The following GOLM2 variants were observed in gnomAD, a reference collection of about 807,000 sequenced individuals.
The protein encoded by GOLM2 is golgi membrane protein 2, also known as protein GOLM2.
A neutral mutation model predicts 55.9 loss-of-function variants in GOLM2; 26 were observed. The observed-to-expected ratio is 0.47, with a 90% CI of 0.34 to 0.65. The LOEUF is 0.65. Ranked by LOEUF, GOLM2 falls within the 30% of genes least tolerant of loss-of-function variation. GOLM2 has a pLI of 0.01. For synonymous variants in GOLM2, 165 were observed against 194.6 expected, an observed-to-expected ratio of 0.85 and a Z score of 1.27; for missense variants, 486 against 531.8, an observed-to-expected ratio of 0.91 and a Z score of 0.85.
intron 8 of GOLM2, among the ~76,000 whole-genome samples, chr15:44,400,668 C>G (rs2079559317): frequency 6.7e-6 from 1 of 149,180 alleles, no homozygotes; most frequent in Non-Finnish European, 1.5e-5. Context: ...GCTCTGCCTC[C>G]TGGGTTCACA....
At chr15:44,353,906 T>A (rs976510302) in intron 6 of GOLM2, among the ~76,000 whole-genome samples, 1 of 152,190 alleles carries the variant, frequency 6.6e-6, no homozygotes, top group East Asian at 1.9e-4. Context: ...TTTAATTCTA[T>A]GTTTTTAAAC....
At chr15:44,297,779 G>T (rs2078767439) in intron 1 of GOLM2, among the ~76,000 whole-genome samples, 1 of 149,878 alleles carries the variant, frequency 6.7e-6, no homozygotes, top group African/African-American at 2.5e-5. Flanking sequence ...AGTCAGGATG[G>T]TCTCCATCTT....
chr15:44,328,637 T>C (rs1348698759), intron 2 of GOLM2, 48 bp from the exon 3 acceptor site: 2 of 1,312,080 alleles, frequency 1.5e-6, no homozygotes, highest in South Asian at 1.3e-5. Context: ...ATAGGAAGCA[T>C]TACAATGAGT....
rs1486733976 is a variant in GOLM2, at chr15:44,382,563, G to C, written c.1072+1587G>C. ...GCTAGTCTCGATCTTCTGACCTCAG[G>C]TGATCCGCCCGCCTCGGCCTCCCAA... On this transcript the variant is annotated intron_variant, in intron 8 of 9. Transcript: ENST00000299957. Among the ~76,000 whole-genome samples the C allele has an allele frequency of 3.9e-5, 6 of 151,990 alleles. No homozygotes were observed. The East Asian group carries it at 1.2e-3, about 29-fold the overall frequency.
chr15:44,348,942 C>G (rs910016081), intron 6 of GOLM2: 2 of 152,276 alleles, frequency 1.3e-5, no homozygotes, highest in African/African-American at 4.8e-5. Context: ...AATCTGTTGC[C>G]TACAAGAAAC....
rs182816742 is a variant in GOLM2 at position 44,291,540 on chromosome 15, C to T, written c.327+2184C>T. 3.9e-3 allele frequency among the ~76,000 whole-genome samples: 601 copies of T among 152,306 alleles called. 5 individuals are homozygous for T. The highest frequency in any genetic ancestry group is 0.014 in the African/African-American group (569 of 41,574). On this transcript the variant is annotated intron_variant, in intron 1 of 9. Coordinates refer to ENST00000299957, the MANE Select transcript of GOLM2 (RefSeq NM_138423.4). ...TTTGAAACTATTCTCTTGAAGGTCA[C>T]AAATGGCAGTCTTCCTAGTCAAAAC...
intron 9 of GOLM2, among the ~76,000 whole-genome samples, chr15:44,413,059 G>A (rs750302395): frequency 1.3e-5 from 2 of 150,940 alleles, no homozygotes; most frequent in Admixed American, 6.6e-5. Context: ...ATATTTGTGC[G>A]TTCCTAAAGT....
intron 1 of GOLM2, among the ~76,000 whole-genome samples, chr15:44,299,030 G>A (rs1163599820): frequency 1.3e-5 from 2 of 152,170 alleles, no homozygotes; most frequent in Admixed American, 1.3e-4. Context: ...AGAGATTGGA[G>A]TTATGTTTCC....
At chr15:44,342,006 G>A (rs1156730176) in intron 6 of GOLM2, among the ~76,000 whole-genome samples, 1 of 151,700 alleles carries the variant, frequency 6.6e-6, no homozygotes, top group East Asian at 1.9e-4. Context: ...AATTTTATTA[G>A]ATTTTATAAG....
At chr15:44,384,244 C>T (rs771093357) in intron 8 of GOLM2, among the ~76,000 whole-genome samples, 37 of 151,958 alleles carry the variant, frequency 2.4e-4, no homozygotes, top group Non-Finnish European at 4.4e-4. Flanking sequence ...CTCTCCTACC[C>T]TCAGCACCTG....
chr15:44,401,245 GAGACTAC>G (rs1475626088), intron 8 of GOLM2, among the ~76,000 whole-genome samples: 1 of 151,976 alleles, frequency 6.6e-6, no homozygotes, highest in Non-Finnish European at 1.5e-5. Context: ...CCAAGTAGAT[GAGACTAC>G]AGACCCCTGG....
chr15:44,290,274 G>A (rs1218698661), intron 1 of GOLM2, among the ~76,000 whole-genome samples: 5 of 152,202 alleles, frequency 3.3e-5, no homozygotes, highest in Admixed American at 3.3e-4. Flanking sequence ...AGGTATAGTA[G>A]AGTTATGAAA....
At chr15:44,412,111 G>A (rs2079642377) in intron 9 of GOLM2, among the ~76,000 whole-genome samples, 1 of 152,132 alleles carries the variant, frequency 6.6e-6, no homozygotes, top group South Asian at 2.1e-4. Flanking sequence ...GACTGCAAGT[G>A]AGCCATGATA....
intron 9 of GOLM2, among the ~76,000 whole-genome samples, chr15:44,412,090 C>T (rs141000529): frequency 5.3e-5 from 8 of 151,944 alleles, no homozygotes; most frequent in Non-Finnish European, 7.4e-5. Flanking sequence ...TACTTGAGGC[C>T]GGGAGGTTGA....
In GOLM2 at chr15:44,289,368, C is replaced by T. The variant is rs1346015781; in HGVS notation, c.327+12C>T. 1 of 1,601,808 alleles carries T rather than the reference C, an allele frequency of 6.2e-7. No individual in the cohort carries two copies. Among genetic ancestry groups the T allele is most frequent in the Non-Finnish European group, 8.5e-7 (1 of 1,174,106 alleles). On this transcript the variant is annotated intron_variant, in intron 1 of 9. Transcript: ENST00000299957. This position sits in a 1 kb window ranked among gnomAD's most constrained non-coding sequence, Gnocchi z 4.8. ...GCGAGGATGACAAGGTAAGGACGACCCTTTTCTCTTCAAACCCCATGGTTT... is the reference window on the plus strand; with the variant it reads ...GCGAGGATGACAAGGTAAGGACGACTCTTTTCTCTTCAAACCCCATGGTTT...
intron 6 of GOLM2, among the ~76,000 whole-genome samples, chr15:44,349,394 G>C (rs1055832081): frequency 8.6e-5 from 13 of 151,856 alleles, no homozygotes; most frequent in Non-Finnish European, 1.8e-4. Flanking sequence ...AAAACTAAGA[G>C]ACAAAGAAGG....
At chr15:44,305,397 T>C (rs1399697380) in intron 1 of GOLM2, among the ~76,000 whole-genome samples, 1 of 151,314 alleles carries the variant, frequency 6.6e-6, no homozygotes, top group African/African-American at 2.4e-5. Context: ...CCCCCTGAGC[T>C]CAAGTGATCC....
At chr15:44,387,213 A>G (rs1485143834) in intron 8 of GOLM2, 2 of 150,586 alleles carry the variant, frequency 1.3e-5, no homozygotes, top group Non-Finnish European at 2.9e-5. Context: ...AAGGAATTGC[A>G]CTGAATCTGT....
chr15:44,351,533 C>A (rs192496534), intron 6 of GOLM2, among the ~76,000 whole-genome samples: 1 of 144,356 alleles, frequency 6.9e-6, no homozygotes, highest in Non-Finnish European at 1.5e-5. Context: ...GCTGAGATTG[C>A]GCCGCTACAC....
Sources: gnomAD v4.1 joint callset for allele counts (sites outside exome capture counted in the v4.1 genomes callset) on GRCh38, gnomAD v4.1.1 for gene constraint, Gnocchi (gnomAD v3.1) non-coding constraint, MANE v1.5 for transcripts, NCBI Gene and HGNC (gene_info 2026-07-23, HGNC 2026-07-21) for gene names.